FER1L6: variants seen among roughly 807,000 people sequenced by gnomAD.
FER1L6 encodes fer-1-like protein 6.
FER1L6 carries 177 observed loss-of-function variants against 219.2 expected under a neutral mutation model. The observed-to-expected ratio is 0.81, with a 90% CI of 0.71 to 0.91. FER1L6 has a LOEUF of 0.91. Ranked by LOEUF, FER1L6 falls within the 40% of genes least tolerant of loss-of-function variation. The probability of loss-of-function intolerance (pLI) is 0.00; values close to 1 mark genes in which losing one functional copy is unlikely to be tolerated. For missense variants in FER1L6, 2,153 were observed against 2,259.9 expected, an observed-to-expected ratio of 0.95 and a Z score of 0.96; for synonymous variants, 768 against 824.3, an observed-to-expected ratio of 0.93 and a Z score of 1.17.
chr8:124,021,793 G>T lies in FER1L6; in HGVS notation c.2133+124G>T, dbSNP rs79917490. On this transcript the variant is annotated intron_variant, in intron 17 of 40. Transcript: ENST00000522917. ...TTTCTCCCCAGCCCTAGTGGGCTAC[G>T]CAGGCACTCCTAGTTTAGAGAAGAG... 4.8e-6 allele frequency: 5 copies of T among 1,052,584 alleles called. No homozygotes were observed. In the South Asian group the frequency reaches 8.1e-5, roughly 17 times the overall value. The allele number at this position is 1,052,584 out of a possible 1,614,324, so 65.2% of individuals were successfully genotyped here.
chr8:124,017,833 G>A, intron 16 of FER1L6, 115 bp downstream of exon 16: 1 of 710,450 alleles, frequency 1.4e-6, no homozygotes, highest in East Asian at 2.7e-5. Flanking sequence ...TTTTTGGGAT[G>A]CAGAGACAAG....
chr8:124,089,531 TC>T (rs1298556970), intron 33 of FER1L6, among the ~76,000 whole-genome samples: 3 of 152,304 alleles, frequency 2.0e-5, no homozygotes, highest in East Asian at 3.9e-4. Context: ...TCTGTCTCCC[TC>T]CCCCAAACTC....
At chr8:124,097,970 A>ATCCT (rs1822383794) in intron 37 of FER1L6, 87 bp downstream of exon 37, 2 of 709,556 alleles carry the variant, frequency 2.8e-6, no homozygotes, top group Admixed American at 2.1e-5. Context: ...CATGGAGGAT[A>ATCCT]CTAAACCCAC....
chr8:123,873,122 A>C (rs1167874986), intron 1 of FER1L6, among the ~76,000 whole-genome samples: 1 of 151,914 alleles, frequency 6.6e-6, no homozygotes, highest in East Asian at 1.9e-4. Flanking sequence ...CCCTCCCTCT[A>C]ACACTCACAA....
chr8:124,119,040 T>A (rs1421150973), intron 40 of FER1L6, 96 bp downstream of exon 40: 3 of 976,294 alleles, frequency 3.1e-6, no homozygotes, highest in African/African-American at 3.3e-5. Context: ...AGCAGCCCTG[T>A]GGGAGAACTG....
rs909071319 is a variant in FER1L6, at chr8:123,853,119, C to T, written c.-8+934C>T. On this transcript the variant is annotated intron_variant, in intron 1 of 40. Transcript: ENST00000522917. This position sits in a 1 kb window ranked among gnomAD's most constrained non-coding sequence, Gnocchi z 6.6. ...TCAGCCTTCCAAAGTGCTCGGATTA[C>T]GTGCGTGAGCCACTGTGCCCACCCT... Among the ~76,000 whole-genome samples, 13 of 152,108 alleles carry T rather than the reference C, an allele frequency of 8.5e-5. No individual in the cohort carries two copies. The South Asian group carries it at 1.5e-3, about 17-fold the overall frequency.
At chr8:123,907,036 C>T (rs1039029478) in intron 1 of FER1L6, among the ~76,000 whole-genome samples, 1 of 152,152 alleles carries the variant, frequency 6.6e-6, no homozygotes, top group African/African-American at 2.4e-5. Flanking sequence ...CTAGACTACT[C>T]ATGTCTGTCA....
At chr8:124,049,288 C>T (rs749191181) in intron 21 of FER1L6, among the ~76,000 whole-genome samples, 5 of 152,118 alleles carry the variant, frequency 3.3e-5, no homozygotes, top group African/African-American at 1.2e-4. Context: ...CCTCATGATA[C>T]ACCTGCCACG....
intron 22 of FER1L6, among the ~76,000 whole-genome samples, chr8:124,054,840 A>AGAT (rs781756432): frequency 5.9e-5 from 9 of 152,128 alleles, no homozygotes; most frequent in Non-Finnish European, 1.2e-4. Flanking sequence ...ATTCTGGGAG[A>AGAT]GATGGGAAAC....
Position 124,116,273 on chromosome 8 carries a change from A to G in FER1L6, c.5290-2571A>G, listed in dbSNP as rs564472910. On this transcript the variant is annotated intron_variant, in intron 39 of 40. Coordinates refer to ENST00000522917, the MANE Select transcript of FER1L6 (RefSeq NM_001039112.2). ...CCAAAAAGGGCATGCATGAAACACC[A>G]TGCAAGTTATAAAGTGCCATAGCCA... Among the ~76,000 whole-genome samples the G allele has an allele frequency of 2.6e-5, 4 of 152,364 alleles. No homozygotes were observed. In the East Asian group the frequency reaches 7.7e-4, roughly 29 times the overall value.
intron 1 of FER1L6, among the ~76,000 whole-genome samples, chr8:123,856,316 GTATATATATATA>G (rs1554608009): frequency 6.7e-5 from 3 of 45,112 alleles, no homozygotes; most frequent in Admixed American, 2.3e-4. Context: ...ATATGTATGT[GTATATATATATA>G]TATATATATA....
chr8:124,041,707 A>G (rs11984962), intron 20 of FER1L6, among the ~76,000 whole-genome samples: 129,175 of 152,224 alleles, frequency 0.85, 55,033 homozygotes, highest in African/African-American at 0.88. Flanking sequence ...ACCTCAGAAG[A>G]AAGGTGACTT....
intron 1 of FER1L6, among the ~76,000 whole-genome samples, chr8:123,876,542 T>C (rs1430382227): frequency 6.6e-6 from 1 of 152,204 alleles, no homozygotes; most frequent in African/African-American, 2.4e-5. Context: ...CTCAGGTTGG[T>C]CTCAAATTTC....
At chr8:123,981,636 C>T (rs1816331312) in intron 11 of FER1L6, among the ~76,000 whole-genome samples, 1 of 152,108 alleles carries the variant, frequency 6.6e-6, no homozygotes, top group Admixed American at 6.5e-5. Context: ...AGCAGCAGGT[C>T]ACCTTAGCCT....
intron 1 of FER1L6, among the ~76,000 whole-genome samples, chr8:123,877,567 T>A (rs1365632841): frequency 2.0e-5 from 3 of 152,136 alleles, no homozygotes; most frequent in Non-Finnish European, 4.4e-5. Context: ...TGTCATCCCC[T>A]CTGCTGCTTT....
At chr8:123,987,805 T>G (rs1816663361) in intron 12 of FER1L6, among the ~76,000 whole-genome samples, 1 of 152,196 alleles carries the variant, frequency 6.6e-6, no homozygotes, top group South Asian at 2.1e-4. Flanking sequence ...ATGTTCTCGA[T>G]ACTTTTGTAA....
intron 18 of FER1L6, among the ~76,000 whole-genome samples, chr8:124,029,140 T>C (rs1288733139): frequency 6.6e-6 from 1 of 152,242 alleles, no homozygotes; most frequent in Non-Finnish European, 1.5e-5. Context: ...TAGTATTCCA[T>C]GGAGTGTATG....
chr8:123,989,996 C>T (rs879507910), intron 12 of FER1L6, among the ~76,000 whole-genome samples: 21 of 152,150 alleles, frequency 1.4e-4, no homozygotes, highest in East Asian at 9.7e-4. Flanking sequence ...TGGCTGGGCG[C>T]GGTGGCTCAT....
intron 9 of FER1L6, among the ~76,000 whole-genome samples, chr8:123,976,400 C>T (rs1816075288): frequency 6.6e-6 from 1 of 151,926 alleles, no homozygotes; most frequent in Admixed American, 6.6e-5. Flanking sequence ...ATCCCAGCTA[C>T]TGGGTGGCTA....
Sources: allele counts gnomAD v4.1 joint callset (sites outside exome capture counted in the v4.1 genomes callset), GRCh38; gene constraint gnomAD v4.1.1; non-coding constraint Gnocchi (gnomAD v3.1); transcripts MANE v1.5; gene names NCBI Gene and HGNC (gene_info 2026-07-23, HGNC 2026-07-21).